Variants in SLC6A11 observed in about 807,000 individuals in gnomAD.
SLC6A11 encodes the protein solute carrier family 6 member 11.
A neutral mutation model predicts 74.8 loss-of-function variants in SLC6A11; 25 were observed. The observed-to-expected ratio is 0.33, with a 90% CI of 0.24 to 0.47. The LOEUF is 0.47. SLC6A11 is among the 20% of genes least tolerant of loss of function. The probability of loss-of-function intolerance (pLI) is 1.00; values close to 1 mark genes in which losing one functional copy is unlikely to be tolerated. For missense variants in SLC6A11, 574 were observed against 837.0 expected (o/e 0.69, Z 3.88); for synonymous variants, 330 against 330.2 (o/e 1.00, Z 0.01).
intron 9 of SLC6A11, among the ~76,000 whole-genome samples, chr3:10,927,691 G>A (rs752872289): frequency 3.9e-5 from 6 of 152,162 alleles, no homozygotes; most frequent in Non-Finnish European, 8.8e-5. Context: ...CGGAGCAGCT[G>A]CGAGGCCATA....
chr3:10,844,146 T>C, intron 4 of SLC6A11, 68 bp from the exon 5 acceptor site: 1 of 1,594,538 alleles, frequency 6.3e-7, no homozygotes, highest in African/African-American at 1.3e-5. Flanking sequence ...CCTGCTCCTC[T>C]GCAGTACTAG....
intron 6 of SLC6A11, among the ~76,000 whole-genome samples, chr3:10,894,817 C>T (rs1695151012): frequency 6.6e-6 from 1 of 152,112 alleles, no homozygotes; most frequent in East Asian, 1.9e-4. Flanking sequence ...ACAAAAAAAC[C>T]AAGGCAATGC....
At chr3:10,832,432 A>G (rs1200102094) in intron 4 of SLC6A11, among the ~76,000 whole-genome samples, 1 of 151,928 alleles carries the variant, frequency 6.6e-6, no homozygotes. Flanking sequence ...CAATTCACCA[A>G]AGCAAACCCA....
chr3:10,856,318 G>C (rs572074471), intron 5 of SLC6A11, among the ~76,000 whole-genome samples: 6 of 152,358 alleles, frequency 3.9e-5, no homozygotes, highest in African/African-American at 1.2e-4. Flanking sequence ...GCAGGGAAAT[G>C]ATGGGAAGAG....
At chr3:10,854,358 C>T (rs1240393996) in intron 5 of SLC6A11, among the ~76,000 whole-genome samples, 2 of 152,192 alleles carry the variant, frequency 1.3e-5, no homozygotes, top group Non-Finnish European at 2.9e-5. Flanking sequence ...CACTGCACTC[C>T]AGCCTGGGCA....
chr3:10,835,358 C>T (rs1021548057), intron 4 of SLC6A11, among the ~76,000 whole-genome samples: 1 of 152,192 alleles, frequency 6.6e-6, no homozygotes, highest in African/African-American at 2.4e-5. Flanking sequence ...GTGGGATCCA[C>T]GTTCTGCGAG....
In SLC6A11 at chr3:10,938,613, G is replaced by A. The variant is rs1263297054; in HGVS notation, c.*211G>A. The A allele has an allele frequency of 6.6e-6, 3 of 452,626 alleles. No homozygotes were observed. The highest frequency in any genetic ancestry group is 1.2e-5 in the Non-Finnish European group (3 of 254,456). 28.0% of individuals were successfully genotyped at this position (452,626 alleles called of 1,614,324 possible). A position where few individuals can be genotyped will look rare whatever the true frequency, so the allele number is the denominator to read the frequency against. On this transcript the variant is annotated 3_prime_UTR_variant, in exon 14 of 14. Transcript: ENST00000254488. ...ATCATGGAAGTAACCACTACAAAGA[G>A]ATAACACTGTACGGGGACTGCCAGA...
At chr3:10,855,910 C>T (rs986377128) in intron 5 of SLC6A11, among the ~76,000 whole-genome samples, 5 of 152,158 alleles carry the variant, frequency 3.3e-5, no homozygotes, top group Admixed American at 6.5e-5. Context: ...TCCTCTTTGC[C>T]TATGTTGATT....
At chr3:10,891,096 T>C (rs1417022352) in intron 6 of SLC6A11, among the ~76,000 whole-genome samples, 1 of 152,190 alleles carries the variant, frequency 6.6e-6, no homozygotes, top group African/African-American at 2.4e-5. Context: ...AACTCTACCA[T>C]TGGGAAGGAA....
intron 4 of SLC6A11, among the ~76,000 whole-genome samples, chr3:10,829,152 TAAG>T (rs780177927): frequency 1.3e-5 from 2 of 152,324 alleles, no homozygotes; most frequent in Non-Finnish European, 2.9e-5. Context: ...TTTTAATGTG[TAAG>T]AAGATTTTTT....
intron 13 of SLC6A11, among the ~76,000 whole-genome samples, chr3:10,937,345 G>A (rs562354685): frequency 6.6e-6 from 1 of 152,306 alleles, no homozygotes; most frequent in East Asian, 1.9e-4. Context: ...GCCTGGCACG[G>A]TGCCTGGCAC....
chr3:10,829,071 A>G (rs1022115486), intron 4 of SLC6A11, among the ~76,000 whole-genome samples: 7 of 152,188 alleles, frequency 4.6e-5, no homozygotes, highest in Non-Finnish European at 7.4e-5. Context: ...ACCCACCTGC[A>G]AGGCTGAGAA....
In SLC6A11 at chr3:10,882,393, T is replaced by A. The variant is rs930546040; in HGVS notation, c.891+7298T>A. On this transcript the variant is annotated intron_variant, in intron 6 of 13. Coordinates refer to ENST00000254488, the MANE Select transcript of SLC6A11 (RefSeq NM_014229.3). ...TTTAAAATCTTACCACCACCCCACG[T>A]GCTCCTGGTGCATCTCATCTGTCTT... Among the ~76,000 whole-genome samples, 3 of 152,262 alleles carry A rather than the reference T, an allele frequency of 2.0e-5. No homozygotes were observed. In the South Asian group the frequency reaches 6.2e-4, roughly 32 times the overall value.
intron 4 of SLC6A11, among the ~76,000 whole-genome samples, chr3:10,838,318 T>C (rs1052567752): frequency 1.3e-5 from 2 of 152,208 alleles, no homozygotes; most frequent in Non-Finnish European, 2.9e-5. Context: ...AGAGGGAACA[T>C]GTGTGGGATT....
At chr3:10,895,962 C>T (rs1695166618) in intron 6 of SLC6A11, among the ~76,000 whole-genome samples, 1 of 152,230 alleles carries the variant, frequency 6.6e-6, no homozygotes, top group South Asian at 2.1e-4. Flanking sequence ...CTCGAAGGCC[C>T]ATGATGAGAG....
At chr3:10,881,408 TCC>T (rs1016749107) in intron 6 of SLC6A11, among the ~76,000 whole-genome samples, 8 of 152,198 alleles carry the variant, frequency 5.3e-5, no homozygotes, top group African/African-American at 1.9e-4. Flanking sequence ...AAAGCGAGAC[TCC>T]GTCTCAAAAA....
At chr3:10,913,845 C>T (rs1483889232) in intron 7 of SLC6A11, among the ~76,000 whole-genome samples, 2 of 152,188 alleles carry the variant, frequency 1.3e-5, no homozygotes, top group East Asian at 3.9e-4. Context: ...AGGCGCCCGC[C>T]ACCACGCCCG....
chr3:10,932,854 G>A (rs1695709025), intron 10 of SLC6A11, among the ~76,000 whole-genome samples: 1 of 152,148 alleles, frequency 6.6e-6, no homozygotes, highest in African/African-American at 2.4e-5. Flanking sequence ...AGGGAGAGGT[G>A]CTGAGTCTCC....
intron 6 of SLC6A11, among the ~76,000 whole-genome samples, chr3:10,907,023 T>G (rs1695312404): frequency 6.6e-6 from 1 of 152,120 alleles, no homozygotes; most frequent in Non-Finnish European, 1.5e-5. Flanking sequence ...AAAGCTGTGA[T>G]AAGGAAAATA....
Sources: gnomAD v4.1 joint callset for allele counts (sites outside exome capture counted in the v4.1 genomes callset) on GRCh38, gnomAD v4.1.1 for gene constraint, MANE v1.5 for transcripts, NCBI Gene and HGNC (gene_info 2026-07-23, HGNC 2026-07-21) for gene names.